Variants in INTS9 observed in about 807,000 individuals in gnomAD.
The protein encoded by INTS9 is integrator complex subunit 9.
Under a neutral mutation model 79.7 loss-of-function variants are expected in INTS9, and 55 were observed. The observed-to-expected ratio is 0.69, with a 90% CI of 0.56 to 0.86. The LOEUF (loss-of-function observed/expected upper bound fraction) is 0.86, where lower values mean the gene tolerates loss of function less well. Among genes scored for constraint, INTS9 ranks in the 40% least tolerant of loss-of-function variants. The pLI is 0.00. For missense variants in INTS9, 721 were observed against 831.5 expected (o/e 0.87, Z 1.64); for synonymous variants, 319 against 325.2 (o/e 0.98, Z 0.20).
intron 1 of INTS9, among the ~76,000 whole-genome samples, chr8:28,869,155 A>G (rs982287138): frequency 1.3e-5 from 2 of 152,172 alleles, no homozygotes; most frequent in African/African-American, 4.8e-5. Context: ...AGCTGGAACT[A>G]ATTTCAACAT....
At chr8:28,882,603 A>G (rs1809956071) in intron 1 of INTS9, among the ~76,000 whole-genome samples, 1 of 151,426 alleles carries the variant, frequency 6.6e-6, no homozygotes, top group Non-Finnish European at 1.5e-5. Context: ...GACTCTGATT[A>G]AGCCATAAAT....
At position 28,859,666 on chromosome 8, in the gene INTS9, G is replaced by A. The variant is rs566441400; in HGVS notation, c.10-103C>T. The A allele has an allele frequency of 1.1e-4, 143 of 1,285,024 alleles. No homozygotes were observed. The Middle Eastern group carries it at 2.9e-3, about 26-fold the overall frequency. The allele number at this position is 1,285,024 out of a possible 1,614,324, so 79.6% of individuals were successfully genotyped here. A position where few individuals can be genotyped will look rare whatever the true frequency, so the allele number is the denominator to read the frequency against. On this transcript the variant is annotated intron_variant, in intron 1 of 16. Transcript: ENST00000521022. ...GACGATCTTCTCTCATAAGACCAGC[G>A]TGTTAAGTTCAGCTAACTTTCTATG...
At chr8:28,875,489 T>G (rs1319210838) in intron 1 of INTS9, among the ~76,000 whole-genome samples, 3 of 152,190 alleles carry the variant, frequency 2.0e-5, no homozygotes, top group Admixed American at 2.0e-4. Context: ...CATTCATCTT[T>G]TTTTTTCTTT....
At chr8:28,871,566 G>C (rs1809096253) in intron 1 of INTS9, among the ~76,000 whole-genome samples, 1 of 151,952 alleles carries the variant, frequency 6.6e-6, no homozygotes, top group African/African-American at 2.4e-5. Flanking sequence ...CATTATACCT[G>C]GCAAATTTTT....
Position 28,780,950 on chromosome 8 carries a change from T to C in INTS9, c.1143A>G (p.Gly381=). Residue 381 remains glycine, a synonymous_variant, in exon 12 of 17, where the codon GGA becomes GGG. Coordinates refer to ENST00000521022, the MANE Select transcript of INTS9 (RefSeq NM_018250.4). ...GCTGTCTAAAGTCGTTGCTGAAGTC[T>C]CCGTGGATGCTGGGGTAGTGCTTCA... is the stretch of plus-strand genomic sequence containing the variant. ...NKLKHYPSIH[G]DFSNDFRQPC... 1 of 1,614,128 alleles carries C rather than the reference T, an allele frequency of 6.2e-7. No homozygotes were observed. The highest frequency in any genetic ancestry group is 8.5e-7 in the Non-Finnish European group (1 of 1,180,022).
At chr8:28,795,299 G>A (rs1048536435) in intron 9 of INTS9, among the ~76,000 whole-genome samples, 5 of 152,162 alleles carry the variant, frequency 3.3e-5, no homozygotes. Flanking sequence ...ATTAGGTTTA[G>A]ATGAGGTCGA....
chr8:28,852,026 C>CT (rs1807866276), intron 2 of INTS9, among the ~76,000 whole-genome samples: 1 of 152,030 alleles, frequency 6.6e-6, no homozygotes, highest in Non-Finnish European at 1.5e-5. Context: ...TGAGCCCAGC[C>CT]TGGGCATCAT....
chr8:28,882,551 A>G (rs1809947480), intron 1 of INTS9, among the ~76,000 whole-genome samples: 1 of 148,358 alleles, frequency 6.7e-6, no homozygotes, highest in Admixed American at 6.7e-5. Flanking sequence ...AAAAAAAGAA[A>G]AAAAAAAAGA....
intron 8 of INTS9, among the ~76,000 whole-genome samples, chr8:28,800,021 T>C (rs1168448815): frequency 2.0e-5 from 3 of 152,176 alleles, no homozygotes; most frequent in Non-Finnish European, 4.4e-5. Context: ...GTTGTCCCTT[T>C]AATATGTGCC....
At chr8:28,786,573 G>A (rs1803603652) in intron 11 of INTS9, among the ~76,000 whole-genome samples, 1 of 152,136 alleles carries the variant, frequency 6.6e-6, no homozygotes, top group Non-Finnish European at 1.5e-5. Flanking sequence ...GATTATAGGT[G>A]TGAGCCACCG....
At chr8:28,812,954 C>T (rs1805238915) in intron 7 of INTS9, among the ~76,000 whole-genome samples, 1 of 152,208 alleles carries the variant, frequency 6.6e-6, no homozygotes, top group African/African-American at 2.4e-5. Context: ...ATTTACTTGT[C>T]ACCTGAGAGC....
chr8:28,801,506 C>CA (rs937939307), intron 8 of INTS9, among the ~76,000 whole-genome samples: 1 of 27,030 alleles, frequency 3.7e-5, no homozygotes, highest in African/African-American at 8.3e-5. Context: ...AACAAACAAA[C>CA]AAAAAAACAA....
At chr8:28,787,941 T>A (rs2130928263) in intron 10 of INTS9, 52 bp from the exon 11 acceptor site, 6 of 1,310,684 alleles carry the variant, frequency 4.6e-6, no homozygotes, top group Non-Finnish European at 6.5e-6. Flanking sequence ...TACGGTGGCA[T>A]CTGTTGCCAC....
At chr8:28,772,169 C>A (rs1802585790) in intron 14 of INTS9, among the ~76,000 whole-genome samples, 1 of 152,154 alleles carries the variant, frequency 6.6e-6, no homozygotes, top group South Asian at 2.1e-4. Context: ...CCATAATGTC[C>A]ATTTTAAAGG....
At chr8:28,856,565 G>A (rs1355925919) in intron 2 of INTS9, among the ~76,000 whole-genome samples, 2 of 152,092 alleles carry the variant, frequency 1.3e-5, no homozygotes, top group African/African-American at 4.8e-5. Flanking sequence ...TAGGACTACA[G>A]GCACACACCA....
intron 8 of INTS9, chr8:28,796,986 G>A (rs1804257454): frequency 5.0e-6 from 1 of 201,922 alleles, no homozygotes; most frequent in Non-Finnish European, 1.0e-5. Flanking sequence ...AAGGTATCTT[G>A]TATTTCTGTA....
intron 10 of INTS9, among the ~76,000 whole-genome samples, chr8:28,791,135 T>C (rs964464856): frequency 6.6e-6 from 1 of 152,136 alleles, no homozygotes; most frequent in Non-Finnish European, 1.5e-5. Context: ...TCCAGGATGG[T>C]AGAGACTGGA....
chr8:28,867,375 T>C (rs919279038), intron 1 of INTS9, among the ~76,000 whole-genome samples: 2 of 151,674 alleles, frequency 1.3e-5, no homozygotes, highest in African/African-American at 2.4e-5. Flanking sequence ...ATGCAGATCG[T>C]GCCACTGGAC....
chr8:28,773,099 G>A (rs1368651754), intron 14 of INTS9, among the ~76,000 whole-genome samples: 1 of 152,100 alleles, frequency 6.6e-6, no homozygotes, highest in African/African-American at 2.4e-5. Flanking sequence ...AACATATATG[G>A]ACAAAGATTT....
Sources: allele counts gnomAD v4.1 joint callset (sites outside exome capture counted in the v4.1 genomes callset), GRCh38; gene constraint gnomAD v4.1.1; transcripts MANE v1.5; gene names NCBI Gene and HGNC (gene_info 2026-07-23, HGNC 2026-07-21).